GRIK2: variants seen among roughly 807,000 people sequenced by gnomAD.
The protein encoded by GRIK2 is glutamate receptor ionotropic, kainate 2.
A neutral mutation model predicts 100.3 loss-of-function variants in GRIK2; 32 were observed. That is an observed-to-expected ratio of 0.32 (90% confidence interval 0.24 to 0.43). The LOEUF is 0.43. GRIK2 is among the 20% of genes least tolerant of loss of function. The pLI is 1.00. For synonymous variants in GRIK2, 417 were observed against 389.4 expected, an observed-to-expected ratio of 1.07 and a Z score of -0.83; for missense variants, 843 against 1,114.9, an observed-to-expected ratio of 0.76 and a Z score of 3.47.
intron 10 of GRIK2, among the ~76,000 whole-genome samples, chr6:101,820,864 AAGG>A: frequency 6.6e-6 from 1 of 152,210 alleles, no homozygotes; most frequent in East Asian, 1.9e-4. Flanking sequence ...TCTTGGGGAG[AAGG>A]AGGAAGTTTG....
chr6:101,698,652 C>T (rs1182300234), intron 7 of GRIK2, among the ~76,000 whole-genome samples: 1 of 151,990 alleles, frequency 6.6e-6, no homozygotes, highest in Non-Finnish European at 1.5e-5. Context: ...ATTTACTGAA[C>T]ATCTACTCTA....
chr6:101,563,646 C>T (rs1367289890), intron 2 of GRIK2, among the ~76,000 whole-genome samples: 2 of 152,000 alleles, frequency 1.3e-5, no homozygotes, highest in Non-Finnish European at 2.9e-5. Context: ...ATAAATGTCA[C>T]AGGAAAAATA....
At chr6:101,398,775 G>T (rs1775119345) in intron 1 of GRIK2, 2 of 370,508 alleles carry the variant, frequency 5.4e-6, no homozygotes, top group Non-Finnish European at 9.6e-6. Context: ...CTCACTGGCC[G>T]GGAGCCTTAA....
rs9498742 is a variant in GRIK2 at position 101,903,754 on chromosome 6, A to T, written c.1748+13891A>T. Among the ~76,000 whole-genome samples the T allele has an allele frequency of 7.1e-3, 1,064 of 149,250 alleles. 11 individuals carry two copies. Among genetic ancestry groups the T allele is most frequent in the African/African-American group, 0.025 (1,030 of 40,806 alleles). On this transcript the variant is annotated intron_variant, in intron 12 of 16. Transcript: ENST00000369134. ...ATTCAAATACATCAATGTTTTTCCC[A>T]ACTTCTCTATAGCCATGAAGAAGTT...
chr6:101,435,518 A>G (rs1412690779), intron 2 of GRIK2, among the ~76,000 whole-genome samples: 1 of 151,964 alleles, frequency 6.6e-6, no homozygotes, highest in East Asian at 1.9e-4. Context: ...GTGGTCCAGA[A>G]GTTGTTTTTC....
intron 14 of GRIK2, among the ~76,000 whole-genome samples, chr6:101,937,487 T>G (rs1049806690): frequency 2.0e-5 from 3 of 152,116 alleles, no homozygotes; most frequent in African/African-American, 7.2e-5. Flanking sequence ...TAGGCAACAT[T>G]CTGAAGGAAA....
chr6:101,681,404 ATTTTTT>A (rs149557882), intron 5 of GRIK2, among the ~76,000 whole-genome samples: 1 of 111,950 alleles, frequency 8.9e-6, no homozygotes, highest in Non-Finnish European at 1.9e-5. Flanking sequence ...TTTCTTTTCT[ATTTTTT>A]TTTTTTTTTT....
chr6:101,454,758 G>T (rs1333626116), intron 2 of GRIK2, among the ~76,000 whole-genome samples: 1 of 152,018 alleles, frequency 6.6e-6, no homozygotes, highest in African/African-American at 2.4e-5. Flanking sequence ...CTTCAGTGAG[G>T]CATAAATCTT....
Position 101,672,765 on chromosome 6 carries a change from C to A in GRIK2, c.542-3858C>A, listed in dbSNP as rs79184040. Among the ~76,000 whole-genome samples the A allele has an allele frequency of 2.7e-3, 410 of 152,190 alleles. 4 individuals carry two copies. Among genetic ancestry groups the A allele is most frequent in the Admixed American group, 6.1e-3 (93 of 15,280 alleles). ...AACTCCAGCTCTGTCTGTGTTGTTG[C>A]AAAGGCCATGGTCTCATTTTTATGG... is the stretch of plus-strand genomic sequence containing the variant. On this transcript the variant is annotated intron_variant, in intron 4 of 16. Transcript: ENST00000369134.
At chr6:101,604,955 G>A (rs1779378643) in intron 2 of GRIK2, among the ~76,000 whole-genome samples, 1 of 151,900 alleles carries the variant, frequency 6.6e-6, no homozygotes, top group South Asian at 2.1e-4. Context: ...AGTAAAATGG[G>A]AAGGATTTAC....
chr6:101,644,218 A>G (rs988074102), intron 4 of GRIK2, among the ~76,000 whole-genome samples: 6 of 151,870 alleles, frequency 4.0e-5, no homozygotes, highest in African/African-American at 1.4e-4. Flanking sequence ...TAAAAGTGTT[A>G]TGGCAAACTG....
chr6:101,870,547 T>C (rs1302563308), intron 11 of GRIK2, among the ~76,000 whole-genome samples: 1 of 151,880 alleles, frequency 6.6e-6, no homozygotes, highest in Non-Finnish European at 1.5e-5. Flanking sequence ...CTTGCCACAA[T>C]GCTTTACACG....
intron 14 of GRIK2, among the ~76,000 whole-genome samples, chr6:101,976,129 A>C (rs1245996792): frequency 6.6e-6 from 1 of 151,948 alleles, no homozygotes; most frequent in Admixed American, 6.6e-5. Flanking sequence ...CATTTCAGGA[A>C]AATGGAAAGT....
intron 11 of GRIK2, among the ~76,000 whole-genome samples, chr6:101,861,533 A>G (rs1784734273): frequency 6.6e-6 from 1 of 152,172 alleles, no homozygotes; most frequent in African/African-American, 2.4e-5. Context: ...TTAATTAAAC[A>G]TAGAGAAGCA....
chr6:101,611,224 A>C (rs1009437164), intron 2 of GRIK2, among the ~76,000 whole-genome samples: 8 of 151,828 alleles, frequency 5.3e-5, no homozygotes, highest in African/African-American at 1.9e-4. Context: ...GAAAACAACC[A>C]ATCTTTGTCA....
intron 14 of GRIK2, among the ~76,000 whole-genome samples, chr6:101,955,342 C>T (rs1392052714): frequency 6.6e-6 from 1 of 152,058 alleles, no homozygotes; most frequent in Non-Finnish European, 1.5e-5. Flanking sequence ...GCTTTTATCT[C>T]CAGGAAGTGT....
intron 14 of GRIK2, among the ~76,000 whole-genome samples, chr6:101,953,399 G>A (rs1389008773): frequency 6.6e-6 from 1 of 152,140 alleles, no homozygotes; most frequent in Admixed American, 6.5e-5. Context: ...AAGGGCTCCA[G>A]TTTCTTCACA....
At chr6:101,585,656 A>G (rs1010629122) in intron 2 of GRIK2, among the ~76,000 whole-genome samples, 2 of 152,134 alleles carry the variant, frequency 1.3e-5, no homozygotes, top group Non-Finnish European at 1.5e-5. Context: ...GGCAAAGAGT[A>G]TAAGTGACCA....
intron 4 of GRIK2, among the ~76,000 whole-genome samples, chr6:101,631,487 T>A (rs1380888119): frequency 6.6e-6 from 1 of 152,138 alleles, no homozygotes; most frequent in African/African-American, 2.4e-5. Context: ...TAATGCACTA[T>A]GAATTGACAT....
Sources: allele counts gnomAD v4.1 joint callset (sites outside exome capture counted in the v4.1 genomes callset), GRCh38; gene constraint gnomAD v4.1.1; transcripts MANE v1.5; gene names NCBI Gene and HGNC (gene_info 2026-07-23, HGNC 2026-07-21).